Variants in AKAP9 observed in about 807,000 individuals in gnomAD.
The protein encoded by AKAP9 is A-kinase anchor protein 9.
A neutral mutation model predicts 488.5 loss-of-function variants in AKAP9; 311 were observed. That is an observed-to-expected ratio of 0.64 (90% CI 0.58 to 0.70). The LOEUF (loss-of-function observed/expected upper bound fraction) is 0.70. Ranked by LOEUF, AKAP9 falls within the 30% of genes least tolerant of loss-of-function variation. The pLI, the probability that AKAP9 is intolerant of heterozygous loss-of-function variation, is 0.00. For missense variants in AKAP9, 4,215 were observed against 4,374.5 expected, an observed-to-expected ratio of 0.96 and a Z score of 1.03; for synonymous variants, 1,462 against 1,483.5, an observed-to-expected ratio of 0.99 and a Z score of 0.33.
At chr7:92,039,332 TC>T (rs1273549375) in intron 17 of AKAP9, among the ~76,000 whole-genome samples, 1 of 152,232 alleles carries the variant, frequency 6.6e-6, no homozygotes, top group African/African-American at 2.4e-5. Context: ...CCTGGTAAAA[TC>T]CCATTGTAAG....
Position 92,017,030 on chromosome 7 carries a change from T to C in AKAP9, c.3765T>C (p.Asn1255=). ...YRYEVQDFQE[N]MHTLLNKVTE... ...TTTACCATCCAGACTTTCAAGAAAA[T>C]ATGCACACTCTTCTCAACAAAGTAA... Residue 1255 remains asparagine (N), a synonymous_variant, in exon 12 of 50, where the codon AAT becomes AAC. Coordinates refer to ENST00000356239, the MANE Select transcript of AKAP9 (RefSeq NM_005751.5). The C allele has an allele frequency of 6.3e-7, 1 of 1,581,772 alleles. No homozygotes were observed. Among genetic ancestry groups the C allele is most frequent in the Non-Finnish European group, 8.6e-7 (1 of 1,156,460 alleles).
intron 46 of AKAP9, among the ~76,000 whole-genome samples, chr7:92,104,720 A>G (rs1818243700): frequency 6.6e-6 from 1 of 152,098 alleles, no homozygotes. Flanking sequence ...CTTGCTTCTG[A>G]TATTCCATAT....
Position 92,040,907 on chromosome 7 carries a change from C to T in AKAP9, c.4917+9C>T. On this transcript the variant is annotated intron_variant, in intron 18 of 49. Transcript: ENST00000356239. ...ATAGACAATTAGCCCAGGTAAGGGT[C>T]TTGTAGTCCCCTTTCTCTCCCCAGT... 1 of 1,596,830 alleles carries T rather than the reference C, an allele frequency of 6.3e-7. No individual in the cohort carries two copies. The highest frequency in any genetic ancestry group is 8.6e-7 in the Non-Finnish European group (1 of 1,168,842).
chr7:91,975,863 T>A (rs1795596162), intron 2 of AKAP9, among the ~76,000 whole-genome samples: 1 of 151,750 alleles, frequency 6.6e-6, no homozygotes. Context: ...AAAGAAATGT[T>A]GAGGTTTTTT....
chr7:92,093,348 A>G, intron 39 of AKAP9, 32 bp downstream of exon 39: 1 of 1,589,014 alleles, frequency 6.3e-7, no homozygotes, highest in Non-Finnish European at 8.6e-7. Context: ...AAAACATGTA[A>G]CAAGGAGTGG....
intron 38 of AKAP9, chr7:92,092,780 G>C (rs1310604772): frequency 2.2e-5 from 6 of 277,586 alleles, no homozygotes; most frequent in Non-Finnish European, 4.2e-5. Flanking sequence ...CTGAGTCGAT[G>C]GGACTACAGG....
intron 5 of AKAP9, among the ~76,000 whole-genome samples, chr7:91,993,666 C>T (rs148005219): frequency 2.3e-4 from 35 of 152,304 alleles, no homozygotes; most frequent in African/African-American, 7.7e-4. Context: ...GCATAAACAA[C>T]CCTGTTTAAA....
At chr7:92,047,012 C>G (rs1807117487) in intron 21 of AKAP9, among the ~76,000 whole-genome samples, 1 of 152,168 alleles carries the variant, frequency 6.6e-6, no homozygotes, top group Non-Finnish European at 1.5e-5. Context: ...AGACAGTGAA[C>G]TTACTTCCAG....
intron 26 of AKAP9, among the ~76,000 whole-genome samples, chr7:92,067,282 A>G (rs80213184): frequency 6.6e-6 from 1 of 152,130 alleles, no homozygotes. Context: ...TCCAGTGCCT[A>G]CTCTGTCTCT....
chr7:92,083,658 A>G lies in AKAP9; in HGVS notation c.8646+3A>G. ...TACAGTGTCTGAGAAGTAAAGAGGT[A>G]TTTGGTTTTTATAATATGTGTTTTT... On this transcript the variant is annotated splice_donor_region_variant and intron_variant, in intron 33 of 49. Coordinates refer to ENST00000356239, the MANE Select transcript of AKAP9 (RefSeq NM_005751.5). 1 of 1,610,376 alleles carries G rather than the reference A, an allele frequency of 6.2e-7. No homozygotes were observed. The highest frequency in any genetic ancestry group is 8.5e-7 in the Non-Finnish European group (1 of 1,179,214).
At chr7:91,949,880 A>G (rs1791976942) in intron 1 of AKAP9, among the ~76,000 whole-genome samples, 1 of 152,168 alleles carries the variant, frequency 6.6e-6, no homozygotes, top group South Asian at 2.1e-4. Flanking sequence ...ATCAGAGTTA[A>G]GATTCTTATT....
chr7:92,082,036 G>C (rs1813670987), intron 31 of AKAP9, among the ~76,000 whole-genome samples: 1 of 151,984 alleles, frequency 6.6e-6, no homozygotes, highest in Non-Finnish European at 1.5e-5. Flanking sequence ...GCGCAGTCTT[G>C]GCTCATTGCA....
At chr7:91,955,228 A>G (rs1422126356) in intron 1 of AKAP9, among the ~76,000 whole-genome samples, 1 of 152,190 alleles carries the variant, frequency 6.6e-6, no homozygotes, top group Non-Finnish European at 1.5e-5. Flanking sequence ...AGCACTGACC[A>G]GTTCCCTCAG....
intron 3 of AKAP9, among the ~76,000 whole-genome samples, chr7:91,990,260 AG>A (rs1331484379): frequency 6.6e-6 from 1 of 152,122 alleles, no homozygotes; most frequent in Non-Finnish European, 1.5e-5. Context: ...ACTTAGTGTT[AG>A]AAGACTAATG....
chr7:91,973,969 G>C lies in AKAP9; in HGVS notation c.306+1G>C. The C allele has an allele frequency of 6.2e-7, 1 of 1,613,900 alleles. No homozygotes were observed. Among genetic ancestry groups the C allele is most frequent in the Non-Finnish European group, 8.5e-7 (1 of 1,179,910 alleles). ...TCATGAGCAGGGCTTCTCTGTGGAA[G>C]TAAGTATTCTCCCAGATTTTTAATC... On this transcript the variant is annotated splice_donor_variant, in intron 2 of 49. Transcript: ENST00000356239. LOFTEE classifies it high-confidence loss of function.
chr7:91,953,941 C>G (rs1792615751), intron 1 of AKAP9, among the ~76,000 whole-genome samples: 1 of 151,262 alleles, frequency 6.6e-6, no homozygotes, highest in African/African-American at 2.4e-5. Context: ...AAAATATTTA[C>G]TTGATTAAAA....
Position 91,977,324 on chromosome 7 carries a change from A to G in AKAP9, c.307-2965A>G, listed in dbSNP as rs1795825797. Among the ~76,000 whole-genome samples the G allele has an allele frequency of 2.0e-5, 3 of 152,316 alleles. No homozygotes were observed. The South Asian group carries it at 6.2e-4, about 32-fold the overall frequency. Reference sequence around the variant, plus strand: ...GTAATCCCAGCACTTTGGGAGGCCAAGGCGGGCAGATCACGAGGTCAGGAG... The same window carrying G: ...GTAATCCCAGCACTTTGGGAGGCCAGGGCGGGCAGATCACGAGGTCAGGAG... On this transcript the variant is annotated intron_variant, in intron 2 of 49. Transcript: ENST00000356239.
intron 7 of AKAP9, among the ~76,000 whole-genome samples, chr7:91,999,377 C>T (rs1434949340): frequency 1.3e-5 from 2 of 152,152 alleles, no homozygotes; most frequent in South Asian, 2.1e-4. Context: ...GGGCGCCCAG[C>T]CCCACGCCCA....
At chr7:92,032,218 C>T (rs919619446) in intron 16 of AKAP9, among the ~76,000 whole-genome samples, 4 of 152,104 alleles carry the variant, frequency 2.6e-5, no homozygotes, top group African/African-American at 7.2e-5. Context: ...TGGAACTGGC[C>T]GGGTGCAGTG....
Sources: gnomAD v4.1 joint callset for allele counts (sites outside exome capture counted in the v4.1 genomes callset) on GRCh38, gnomAD v4.1.1 for gene constraint, MANE v1.5 for transcripts, NCBI Gene and HGNC (gene_info 2026-07-23, HGNC 2026-07-21) for gene names.